NOL4: variants seen among roughly 807,000 people sequenced by gnomAD.
NOL4 encodes nucleolar protein 4.
Under a neutral mutation model 75.9 loss-of-function variants are expected in NOL4, and 17 were observed. The ratio of observed to expected loss-of-function variants is 0.22; its 90% CI spans 0.15 to 0.34. NOL4 has a LOEUF of 0.34. Among genes scored for constraint, NOL4 ranks in the 10% least tolerant of loss-of-function variants. NOL4 has a pLI of 1.00. For synonymous variants in NOL4, 292 were observed against 289.9 expected (o/e 1.01, Z -0.07); for missense variants, 614 against 793.5 (o/e 0.77, Z 2.72).
chr18:34,007,896 GA>G (rs2074129936), intron 6 of NOL4, among the ~76,000 whole-genome samples: 1 of 151,914 alleles, frequency 6.6e-6, no homozygotes, highest in Non-Finnish European at 1.5e-5. Context: ...ATAAGTGGGG[GA>G]CTTGTGATGG....
intron 6 of NOL4, among the ~76,000 whole-genome samples, chr18:34,003,092 T>C (rs1198869470): frequency 2.6e-5 from 4 of 152,134 alleles, no homozygotes; most frequent in African/African-American, 9.6e-5. Context: ...ATTTTACATG[T>C]TATTTTTGTT....
chr18:34,053,345 G>A (rs2076702060), intron 5 of NOL4, among the ~76,000 whole-genome samples: 1 of 151,946 alleles, frequency 6.6e-6, no homozygotes, highest in Non-Finnish European at 1.5e-5. Context: ...TGTACTCTCA[G>A]TTCTAAACTA....
At chr18:33,901,086 T>C (rs1382798757) in intron 9 of NOL4, among the ~76,000 whole-genome samples, 2 of 152,192 alleles carry the variant, frequency 1.3e-5, no homozygotes, top group Admixed American at 1.3e-4. Flanking sequence ...TAAAATACAA[T>C]AGAAATGTCT....
At chr18:33,902,881 T>G (rs550329033) in intron 9 of NOL4, among the ~76,000 whole-genome samples, 4 of 152,294 alleles carry the variant, frequency 2.6e-5, no homozygotes, top group African/African-American at 9.6e-5. Context: ...AGGCTTAAAA[T>G]TTCTACATGT....
At chr18:33,942,303 A>T (rs1039187179) in intron 9 of NOL4, among the ~76,000 whole-genome samples, 2 of 151,904 alleles carry the variant, frequency 1.3e-5, no homozygotes, top group Non-Finnish European at 2.9e-5. Context: ...AATATTTAGT[A>T]TATCATGTGA....
At chr18:34,191,391 A>C (rs1055230448) in intron 1 of NOL4, among the ~76,000 whole-genome samples, 1 of 152,166 alleles carries the variant, frequency 6.6e-6, no homozygotes, top group African/African-American at 2.4e-5. Context: ...ACTATAATTA[A>C]CATAATATCC....
rs144232878 is a variant in NOL4, at chr18:34,181,212, C to T, written c.264+41778G>A. Among the ~76,000 whole-genome samples, 53 of 151,394 alleles carry T rather than the reference C, an allele frequency of 3.5e-4. No individual in the cohort carries two copies. The East Asian group carries it at 6.4e-3, about 18-fold the overall frequency. On this transcript the variant is annotated intron_variant, in intron 1 of 10. Transcript: ENST00000261592. The stretch of plus-strand genomic sequence containing the variant: ...TAATCAAAGCAGCATGGTATTAGAA[C>T]GAAGATAGACATGTAGATCAATGGA...
intron 1 of NOL4, among the ~76,000 whole-genome samples, chr18:34,213,846 A>G (rs1377691207): frequency 6.6e-6 from 1 of 152,248 alleles, no homozygotes; most frequent in African/African-American, 2.4e-5. Flanking sequence ...AAGTATAATT[A>G]AGAAAAAATG....
At chr18:33,990,554 A>C (rs1184840422) in intron 6 of NOL4, among the ~76,000 whole-genome samples, 1 of 152,008 alleles carries the variant, frequency 6.6e-6, no homozygotes, top group African/African-American at 2.4e-5. Flanking sequence ...CAAATTGCCA[A>C]GGTCTAGACA....
intron 5 of NOL4, among the ~76,000 whole-genome samples, chr18:34,089,366 T>G (rs972032062): frequency 6.6e-6 from 1 of 152,222 alleles, no homozygotes; most frequent in Non-Finnish European, 1.5e-5. Flanking sequence ...TAGGAATTTC[T>G]TCTATAGTTT....
chr18:33,867,845 G>A (rs552678559), intron 10 of NOL4, among the ~76,000 whole-genome samples: 2 of 152,120 alleles, frequency 1.3e-5, no homozygotes, highest in South Asian at 4.2e-4. Flanking sequence ...GATCCAGGAG[G>A]CTCAAGGCCC....
chr18:33,853,123 G>T, intron 10 of NOL4, 88 bp from the exon 11 acceptor site: 1 of 1,064,724 alleles, frequency 9.4e-7, no homozygotes, highest in South Asian at 1.7e-5. Flanking sequence ...ATAGTTGAAT[G>T]AATTAATGAA....
chr18:34,071,948 A>T (rs2077536825), intron 5 of NOL4, among the ~76,000 whole-genome samples: 1 of 152,288 alleles, frequency 6.6e-6, no homozygotes, highest in Non-Finnish European at 1.5e-5. Flanking sequence ...ATAAAATGAA[A>T]GGGGCCAGGC....
At chr18:33,926,379 A>C (rs2067331664) in intron 9 of NOL4, among the ~76,000 whole-genome samples, 1 of 151,068 alleles carries the variant, frequency 6.6e-6, no homozygotes, top group African/African-American at 2.4e-5. Flanking sequence ...AAAAAAAAAA[A>C]AAAAAAGACA....
At chr18:33,991,638 G>A (rs113176925) in intron 6 of NOL4, among the ~76,000 whole-genome samples, 3 of 152,104 alleles carry the variant, frequency 2.0e-5, no homozygotes, top group African/African-American at 7.2e-5. Flanking sequence ...ATTACCATTA[G>A]CTAATTACTC....
intron 5 of NOL4, among the ~76,000 whole-genome samples, chr18:34,060,225 C>A (rs2077015684): frequency 6.6e-6 from 1 of 152,190 alleles, no homozygotes; most frequent in Non-Finnish European, 1.5e-5. Flanking sequence ...CTCACAGTCC[C>A]TGGAACAGCA....
At chr18:34,143,889 T>A (rs575286715) in intron 1 of NOL4, among the ~76,000 whole-genome samples, 4,524 of 143,074 alleles carry the variant, frequency 0.032, 82 homozygotes, top group Middle Eastern at 0.05. Flanking sequence ...AAAAAAAACC[T>A]GAAACTTCTT....
In NOL4 at chr18:33,957,413, T is replaced by C; in HGVS notation, c.1341A>G (p.Gln447=). The C allele has an allele frequency of 5.6e-6, 9 of 1,613,738 alleles. No individual in the cohort carries two copies. Among genetic ancestry groups the C allele is most frequent in the Non-Finnish European group, 7.6e-6 (9 of 1,179,794 alleles). The change falls in exon 8 of 11, where the codon CAA becomes CAG. Residue 447 remains glutamine (Q), a synonymous_variant. Transcript: ENST00000261592. ...IQAIIDSCRR[Q]FPEYQERARK... The stretch of plus-strand genomic sequence containing the variant: ...TGGCACGCTCTTGATACTCAGGGAA[T>C]TGTCGCCTGCATGAGTCAATGATAG...
At chr18:34,046,292 G>A (rs1050442638) in intron 5 of NOL4, among the ~76,000 whole-genome samples, 1 of 151,866 alleles carries the variant, frequency 6.6e-6, no homozygotes, top group African/African-American at 2.4e-5. Flanking sequence ...ATTGCCTTTC[G>A]AGAGAGAATC....
Sources: gnomAD v4.1 joint callset for allele counts (sites outside exome capture counted in the v4.1 genomes callset) on GRCh38, gnomAD v4.1.1 for gene constraint, MANE v1.5 for transcripts, NCBI Gene and HGNC (gene_info 2026-07-23, HGNC 2026-07-21) for gene names.